The following PMFBP1 variants were observed in gnomAD, a reference collection of about 807,000 sequenced individuals.
PMFBP1 encodes polyamine modulated factor 1 binding protein 1.
Under a neutral mutation model 137.8 loss-of-function variants are expected in PMFBP1, and 131 were observed. That is an observed-to-expected ratio of 0.95 (90% CI 0.82 to 1.10). The LOEUF (loss-of-function observed/expected upper bound fraction) is 1.10, where lower values mean the gene tolerates loss of function less well. Ranked by LOEUF, PMFBP1 falls within the 50% of genes least tolerant of loss-of-function variation. The probability of loss-of-function intolerance (pLI) is 0.00; values close to 1 mark genes in which losing one functional copy is unlikely to be tolerated. For synonymous variants in PMFBP1, 490 were observed against 450.4 expected (o/e 1.09, Z -1.11); for missense variants, 1,199 against 1,175.4 (o/e 1.02, Z -0.29).
Position 72,130,258 on chromosome 16 carries a change from C to G in PMFBP1, c.1737G>C (p.Glu579Asp). 6.2e-7 allele frequency: 1 copy of G among 1,614,180 alleles called. No individual in the cohort carries two copies. The highest frequency in any genetic ancestry group is 8.5e-7 in the Non-Finnish European group (1 of 1,180,052). ...EKRQLQKTVA[E>D]QDMKMNDMLD... The stretch of plus-strand genomic sequence containing the variant: ...GCATGTCATTCATTTTCATATCCTG[C>G]TCAGCCACTGTCTTCTGAAGCTGCC... The change falls in exon 12 of 21, where the codon GAG becomes GAC. Residue 579 changes from glutamate (E) to aspartate (D), a missense_variant. Glu to Asp is a conservative substitution (Grantham distance 45). Coordinates refer to ENST00000237353, the MANE Select transcript of PMFBP1 (RefSeq NM_031293.3).
chr16:72,239,977 T>C, the PMFBP1 span, among the ~76,000 whole-genome samples: 3 of 149,980 alleles, frequency 2.0e-5, no homozygotes, highest in African/African-American at 7.4e-5. Flanking sequence ...AATATTAAAA[T>C]AGGAGATATA....
chr16:72,248,913 G>A, the PMFBP1 span, among the ~76,000 whole-genome samples: 5 of 152,266 alleles, frequency 3.3e-5, no homozygotes, highest in African/African-American at 7.2e-5. Flanking sequence ...AAGACTCACC[G>A]AGTGCAGAGC....
chr16:72,121,377 C>G (rs933235729), intron 19 of PMFBP1, among the ~76,000 whole-genome samples: 1 of 152,196 alleles, frequency 6.6e-6, no homozygotes, highest in African/African-American at 2.4e-5. Flanking sequence ...ATCCCCAAAG[C>G]CTTCAATATC....
At chr16:72,196,643 C>T in the PMFBP1 span, among the ~76,000 whole-genome samples, 1 of 152,202 alleles carries the variant, frequency 6.6e-6, no homozygotes, top group Non-Finnish European at 1.5e-5. Context: ...TATTTTCTTA[C>T]ACATGGGATG....
In PMFBP1 at chr16:72,151,382, C is replaced by T. The variant is rs576614451; in HGVS notation, c.415-553G>A. 5.3e-5 allele frequency among the ~76,000 whole-genome samples: 8 copies of T among 152,282 alleles called. No individual in the cohort carries two copies. The South Asian group carries it at 1.2e-3, about 24-fold the overall frequency. On this transcript the variant is annotated intron_variant, in intron 4 of 20. Transcript: ENST00000237353. ...CTGACAGATATTTATTGAAAGCTCA[C>T]GAGCATTGTGTTAAGTGCAGAGGGG...
intron 19 of PMFBP1, 186 bp from the exon 20 acceptor site, chr16:72,120,275 G>T: frequency 1.0e-6 from 1 of 987,728 alleles, no homozygotes; most frequent in Non-Finnish European, 1.5e-6. Flanking sequence ...AGAAGCCCAG[G>T]CCTGGGGTCT....
chr16:72,214,411 G>A, the PMFBP1 span, among the ~76,000 whole-genome samples: 1 of 152,140 alleles, frequency 6.6e-6, no homozygotes, highest in Non-Finnish European at 1.5e-5. Context: ...CTCTGACATT[G>A]TGATCCACCC....
chr16:72,129,755 G>T (rs1286649535), intron 12 of PMFBP1, among the ~76,000 whole-genome samples: 2 of 152,234 alleles, frequency 1.3e-5, no homozygotes, highest in African/African-American at 4.8e-5. Flanking sequence ...AGCTGGTGCT[G>T]AGTGGCTGGC....
At chr16:72,132,473 C>A (rs2042563508) in intron 10 of PMFBP1, among the ~76,000 whole-genome samples, 1 of 152,192 alleles carries the variant, frequency 6.6e-6, no homozygotes, top group Non-Finnish European at 1.5e-5. Context: ...CCCTGCCTCC[C>A]TGTGGCCAGG....
chr16:72,151,577 T>C (rs1366624808), intron 4 of PMFBP1, among the ~76,000 whole-genome samples: 1 of 152,208 alleles, frequency 6.6e-6, no homozygotes, highest in African/African-American at 2.4e-5. Flanking sequence ...TCATGAAGGA[T>C]GGCTTTATAT....
At chr16:72,193,857 C>G in the PMFBP1 span, among the ~76,000 whole-genome samples, 1 of 152,138 alleles carries the variant, frequency 6.6e-6, no homozygotes, top group Admixed American at 6.6e-5. Flanking sequence ...CATACCACCG[C>G]TAGCTAACCA....
the PMFBP1 span, among the ~76,000 whole-genome samples, chr16:72,206,084 G>T: frequency 6.6e-6 from 1 of 152,168 alleles, no homozygotes; most frequent in Non-Finnish European, 1.5e-5. Flanking sequence ...CAGGGGTCTG[G>T]GGAAGTGAGT....
chr16:72,143,989 C>G (rs763562492), intron 5 of PMFBP1, among the ~76,000 whole-genome samples: 1 of 151,576 alleles, frequency 6.6e-6, no homozygotes, highest in Admixed American at 6.6e-5. Context: ...TGCAGTGAGC[C>G]GAGATTGCAC....
At chr16:72,124,715 G>A (rs74027830) in intron 17 of PMFBP1, 52 bp downstream of exon 17, 2 of 1,585,448 alleles carry the variant, frequency 1.3e-6, no homozygotes, top group African/African-American at 2.7e-5. Context: ...GTGGTCATAG[G>A]ATGTGCCTGG....
chr16:72,224,696 C>T, the PMFBP1 span: 1 of 152,396 alleles, frequency 6.6e-6, no homozygotes, highest in African/African-American at 2.4e-5. Flanking sequence ...CCTTGCCTCG[C>T]CTGCCTCAGA....
chr16:72,179,783 C>T (rs752120649), upstream of PMFBP1, among the ~76,000 whole-genome samples: 8 of 152,194 alleles, frequency 5.3e-5, no homozygotes, highest in Non-Finnish European at 1.0e-4. Context: ...GCCATTAGCA[C>T]TACAGCAGGT....
rs751519942 is a variant in PMFBP1 at position 72,125,240 on chromosome 16, C to G, written c.2419G>C (p.Glu807Gln). ...LRGFHQESEL[E>Q]VHAFDKKLEE... ...CCAAGCCCCTGGCAGCTCCTCACCT[C>G]CAGCTCACTCTCCTGGTGGAAGCCC... Residue 807 changes from glutamate to glutamine, a missense_variant and splice_region_variant, in exon 16 of 21, where the codon GAG becomes CAG. Glu to Gln is a conservative substitution (Grantham distance 29, BLOSUM62 2). Coordinates refer to ENST00000237353, the MANE Select transcript of PMFBP1 (RefSeq NM_031293.3). 2 of 1,612,892 alleles carry G rather than the reference C, an allele frequency of 1.2e-6. No homozygotes were observed. Among genetic ancestry groups the G allele is most frequent in the African/African-American group, 1.3e-5 (1 of 74,894 alleles).
chr16:72,224,135 A>G, the PMFBP1 span, among the ~76,000 whole-genome samples: 2 of 152,178 alleles, frequency 1.3e-5, no homozygotes, highest in African/African-American at 4.8e-5. Context: ...TGATGGCAAC[A>G]CTTGAGAAGT....
chr16:72,224,985 G>A, the PMFBP1 span: 4 of 152,090 alleles, frequency 2.6e-5, no homozygotes, highest in African/African-American at 9.7e-5. Context: ...CACATTTTTT[G>A]TTCTGAGTTA....
Sources: allele counts gnomAD v4.1 joint callset (sites outside exome capture counted in the v4.1 genomes callset), GRCh38; gene constraint gnomAD v4.1.1; transcripts MANE v1.5; gene names NCBI Gene and HGNC (gene_info 2026-07-23, HGNC 2026-07-21).